Variants in ARHGEF6 observed in about 807,000 individuals in gnomAD.
The protein encoded by ARHGEF6 is Rac/Cdc42 guanine nucleotide exchange factor 6.
A neutral mutation model predicts 70.3 loss-of-function variants in ARHGEF6; 9 were observed. That is an observed-to-expected ratio of 0.13 (90% CI 0.08 to 0.22). The LOEUF (loss-of-function observed/expected upper bound fraction) is 0.22, where lower values mean the gene tolerates loss of function less well. Ranked by LOEUF, ARHGEF6 falls within the 10% of genes least tolerant of loss-of-function variation. ARHGEF6 has a pLI of 1.00. For synonymous variants in ARHGEF6, 201 were observed against 207.8 expected (o/e 0.97, Z 0.28); for missense variants, 470 against 563.0 (o/e 0.83, Z 1.67).
Position 136,685,831 on chromosome X carries a change from A to C in ARHGEF6, c.1246-8T>G. The stretch of plus-strand genomic sequence containing the variant: ...CAGATCTTGACATTGCCCCTACAGA[A>C]CCAAAGCAGAACATAATGGAATAGG... On this transcript the variant is annotated splice_region_variant and splice_polypyrimidine_tract_variant and intron_variant, in intron 11 of 21. Coordinates refer to ENST00000250617, the MANE Select transcript of ARHGEF6 (RefSeq NM_004840.3). 1 of 1,209,254 alleles carries C rather than the reference A, an allele frequency of 8.3e-7. No homozygotes were observed. The highest frequency in any genetic ancestry group is 1.1e-6 in the Non-Finnish European group (1 of 893,584).
chrX:136,708,891 T>C (rs1354205938), intron 7 of ARHGEF6, 121 bp from the exon 8 acceptor site: 2 of 468,557 alleles, frequency 4.3e-6, no homozygotes, highest in East Asian at 9.2e-5. Flanking sequence ...TTTTAATTTA[T>C]AACAACTCTA....
At chrX:136,680,948 T>C (rs1341404181) in intron 14 of ARHGEF6, 72 bp from the exon 15 acceptor site, 6 of 1,117,928 alleles carry the variant, frequency 5.4e-6, no homozygotes. Context: ...CATTCATAAA[T>C]AGACTTCATA....
intron 5 of ARHGEF6, 126 bp downstream of exon 5, chrX:136,743,459 A>AT: frequency 1.6e-6 from 1 of 630,772 alleles, no homozygotes; most frequent in South Asian, 2.6e-5. Flanking sequence ...TTCTACTCTT[A>AT]TTTTTGGCAT....
At chrX:136,675,539 G>A (rs1436023389) in intron 18 of ARHGEF6, among the ~76,000 whole-genome samples, 3 of 108,989 alleles carry the variant, frequency 2.8e-5, no homozygotes, top group Non-Finnish European at 5.7e-5. Context: ...TTTTTGAGAC[G>A]GAGTCTTACA....
chrX:136,747,226 G>A (rs1390423831), intron 3 of ARHGEF6, among the ~76,000 whole-genome samples: 1 of 110,927 alleles, frequency 9.0e-6, no homozygotes, highest in African/African-American at 3.3e-5. Context: ...TTTCTTCTCT[G>A]TTTTGTTATA....
chrX:136,778,465 T>C (rs748309298), intron 2 of ARHGEF6, among the ~76,000 whole-genome samples: 2 of 111,335 alleles, frequency 1.8e-5, no homozygotes, highest in African/African-American at 6.5e-5. Context: ...TGGCCCTAAA[T>C]TATTATGCAG....
chrX:136,671,592 C>G (rs2076226097), intron 20 of ARHGEF6, among the ~76,000 whole-genome samples: 1 of 112,156 alleles, frequency 8.9e-6, no homozygotes, highest in South Asian at 3.7e-4. Flanking sequence ...AACCGGATTG[C>G]TGTAGGATTT....
chrX:136,717,222 G>A (rs1016064898), intron 6 of ARHGEF6, among the ~76,000 whole-genome samples: 2 of 111,717 alleles, frequency 1.8e-5, no homozygotes, highest in African/African-American at 6.5e-5. Context: ...GAAGCCATGG[G>A]AAACAAACAG....
chrX:136,699,991 C>T (rs1032709801), intron 9 of ARHGEF6, among the ~76,000 whole-genome samples: 1 of 110,987 alleles, frequency 9.0e-6, no homozygotes, highest in South Asian at 3.8e-4. Flanking sequence ...CAGCTTCAGC[C>T]CTCTCTCATC....
chrX:136,726,504 G>C (rs987359566), intron 6 of ARHGEF6, among the ~76,000 whole-genome samples: 1 of 111,862 alleles, frequency 8.9e-6, no homozygotes. Context: ...GCACTAGAAA[G>C]GTAGAAAAAT....
At chrX:136,706,322 A>G (rs949950530) in intron 9 of ARHGEF6, among the ~76,000 whole-genome samples, 1 of 112,190 alleles carries the variant, frequency 8.9e-6, no homozygotes, top group Admixed American at 9.4e-5. Flanking sequence ...TGCTTAAAGT[A>G]TCTGTCACAC....
chrX:136,780,170 T>C (rs745321637), intron 1 of ARHGEF6, among the ~76,000 whole-genome samples: 5 of 112,341 alleles, frequency 4.5e-5, no homozygotes, highest in Non-Finnish European at 7.5e-5. Flanking sequence ...AGTTTCACTT[T>C]GAACGCACAT....
intron 9 of ARHGEF6, among the ~76,000 whole-genome samples, chrX:136,704,494 T>A (rs922821612): frequency 8.9e-6 from 1 of 112,215 alleles, no homozygotes; most frequent in Non-Finnish European, 1.9e-5. Flanking sequence ...ATAAAGATAC[T>A]ATCTGAGACT....
chrX:136,668,524 C>A lies in ARHGEF6; in HGVS notation c.2191-355G>T, dbSNP rs190269744. 8.5e-4 allele frequency among the ~76,000 whole-genome samples: 85 copies of A among 99,784 alleles called. 1 individual carries two copies. The East Asian group carries it at 0.012, about 14-fold the overall frequency. 86.7% of individuals were successfully genotyped at this position (99,784 alleles called of 115,157 possible). On this transcript the variant is annotated intron_variant, in intron 21 of 21. Coordinates refer to ENST00000250617, the MANE Select transcript of ARHGEF6 (RefSeq NM_004840.3). Reference sequence around the variant, plus strand: ...TGTCAGCCTGGTATTTCTTCTTCTTCTTCTTCTTCTTATTATTATTATTAT... The same window carrying A: ...TGTCAGCCTGGTATTTCTTCTTCTTATTCTTCTTCTTATTATTATTATTAT...
intron 6 of ARHGEF6, among the ~76,000 whole-genome samples, chrX:136,723,933 A>G (rs2076826145): frequency 1.8e-5 from 2 of 111,291 alleles, no homozygotes; most frequent in African/African-American, 6.5e-5. Context: ...TGTCTCAAAA[A>G]ATATAAAAAT....
chrX:136,691,289 G>C (rs1369564305), intron 9 of ARHGEF6, among the ~76,000 whole-genome samples: 1 of 112,036 alleles, frequency 8.9e-6, no homozygotes, highest in Non-Finnish European at 1.9e-5. Context: ...CAGCATGTTT[G>C]TATGACTAAC....
At chrX:136,720,445 AT>A (rs917180944) in intron 6 of ARHGEF6, among the ~76,000 whole-genome samples, 29 of 109,579 alleles carry the variant, frequency 2.6e-4, no homozygotes, top group Non-Finnish European at 3.4e-4. Context: ...TCCATTCATG[AT>A]TTTTTTTTAA....
chrX:136,760,615 A>G (rs1325234249), intron 2 of ARHGEF6, among the ~76,000 whole-genome samples: 1 of 112,184 alleles, frequency 8.9e-6, no homozygotes, highest in Non-Finnish European at 1.9e-5. Context: ...TGGTACATTC[A>G]CCCCAATTCA....
intron 9 of ARHGEF6, among the ~76,000 whole-genome samples, chrX:136,698,594 G>T (rs2076535671): frequency 8.9e-6 from 1 of 112,149 alleles, no homozygotes; most frequent in South Asian, 3.7e-4. Context: ...CCAGAAGGCA[G>T]TGGGATGACA....
Sources: gnomAD v4.1 joint callset for allele counts (sites outside exome capture counted in the v4.1 genomes callset) on GRCh38, gnomAD v4.1.1 for gene constraint, MANE v1.5 for transcripts, NCBI Gene and HGNC (gene_info 2026-07-23, HGNC 2026-07-21) for gene names.